Variants in ATP10A observed in about 807,000 individuals in gnomAD.
The protein encoded by ATP10A is ATPase phospholipid transporting 10A (putative).
In ATP10A, 111 loss-of-function variants were observed where a neutral mutation model predicts 147.8. The observed-to-expected ratio is 0.75, with a 90% CI of 0.64 to 0.88. ATP10A has a LOEUF of 0.88. Among genes scored for constraint, ATP10A ranks in the 40% least tolerant of loss-of-function variants. The probability of loss-of-function intolerance (pLI) is 0.00; values close to 1 mark genes in which losing one functional copy is unlikely to be tolerated. For missense variants in ATP10A, 1,927 were observed against 1,959.0 expected (o/e 0.98, Z 0.31); for synonymous variants, 875 against 841.6 (o/e 1.04, Z -0.69).
intron 13 of ATP10A, among the ~76,000 whole-genome samples, chr15:25,696,337 GA>G (rs1406106767): frequency 1.3e-5 from 2 of 152,238 alleles, no homozygotes; most frequent in Non-Finnish European, 2.9e-5. Context: ...CAGGATGTGC[GA>G]AAGTGTGGAG....
At chr15:25,775,673 C>T (rs532197429) in intron 2 of ATP10A, among the ~76,000 whole-genome samples, 79 of 152,374 alleles carry the variant, frequency 5.2e-4, no homozygotes, top group South Asian at 2.1e-3. Context: ...CTCCCCACAG[C>T]GCTGCACAGA....
intron 1 of ATP10A, among the ~76,000 whole-genome samples, chr15:25,810,340 A>C (rs941563413): frequency 2.0e-5 from 3 of 152,210 alleles, no homozygotes; most frequent in Admixed American, 1.3e-4. Context: ...TGAGTCACCT[A>C]CCGGGACCAA....
At position 25,842,843 on chromosome 15, in the gene ATP10A, C is replaced by T. The variant is rs148659275; in HGVS notation, c.449+19805G>A. 7.8e-3 allele frequency among the ~76,000 whole-genome samples: 1,181 copies of T among 152,076 alleles called. 13 individuals carry two copies. Among genetic ancestry groups the T allele is most frequent in the African/African-American group, 0.026 (1,059 of 41,464 alleles). ...GTCCTCCCACCTCAGCCTCCCAAGT[C>T]GCTGGGACTACAGATGCACATCACC... On this transcript the variant is annotated intron_variant, in intron 1 of 20. Transcript: ENST00000555815.
intron 2 of ATP10A, among the ~76,000 whole-genome samples, chr15:25,743,090 A>C (rs1324538321): frequency 6.6e-6 from 1 of 152,190 alleles, no homozygotes; most frequent in Admixed American, 6.5e-5. Flanking sequence ...CTGGAGCCTC[A>C]GTGTATTTGT....
At chr15:25,726,926 G>A (rs1292803549) in intron 4 of ATP10A, among the ~76,000 whole-genome samples, 4 of 150,862 alleles carry the variant, frequency 2.7e-5, no homozygotes, top group Non-Finnish European at 5.9e-5. Flanking sequence ...CGGGCGTGGC[G>A]GGCGCCTGTA....
intron 1 of ATP10A, among the ~76,000 whole-genome samples, chr15:25,850,277 C>T (rs926952097): frequency 8.5e-5 from 13 of 152,180 alleles, no homozygotes; most frequent in Admixed American, 2.6e-4. Context: ...CCAGCTCGCT[C>T]TCTCCCTGCC....
At chr15:25,790,415 C>G (rs189259063) in intron 1 of ATP10A, among the ~76,000 whole-genome samples, 1 of 152,280 alleles carries the variant, frequency 6.6e-6, no homozygotes, top group Admixed American at 6.5e-5. Context: ...ATGAGTCAAG[C>G]TGAATGGAAA....
rs1464143317 is a variant in ATP10A at position 25,707,877 on chromosome 15, C to A, written c.2575+99G>T. 9 of 1,511,946 alleles carry A rather than the reference C, an allele frequency of 6.0e-6. No homozygotes were observed. The African/African-American group carries it at 9.6e-5, about 16-fold the overall frequency. 93.7% of individuals were successfully genotyped at this position (1,511,946 alleles called of 1,614,324 possible). Reference sequence around the variant, plus strand: ...TGCCAGGTGGCTCCCTAACCAAGGCCAGCCTGCGGAGCAGCCGCTGACAAG... The same window carrying A: ...TGCCAGGTGGCTCCCTAACCAAGGCAAGCCTGCGGAGCAGCCGCTGACAAG... On this transcript the variant is annotated intron_variant, in intron 12 of 20. Coordinates refer to ENST00000555815, the MANE Select transcript of ATP10A (RefSeq NM_024490.4).
In ATP10A at chr15:25,752,241, T is replaced by C. The variant is rs547026995; in HGVS notation, c.655-16100A>G. On this transcript the variant is annotated intron_variant, in intron 2 of 20. Transcript: ENST00000555815. ...TTCATTGAAGCATTATTTACAATAATGGAATCAACCCAAGTGTCCATCAAC... is the reference window on the plus strand; with the variant it reads ...TTCATTGAAGCATTATTTACAATAACGGAATCAACCCAAGTGTCCATCAAC... Among the ~76,000 whole-genome samples, 4 of 152,130 alleles carry C rather than the reference T, an allele frequency of 2.6e-5. No homozygotes were observed. In the East Asian group the frequency reaches 7.7e-4, roughly 29 times the overall value.
chr15:25,725,099 C>T (rs1002022359), intron 5 of ATP10A, among the ~76,000 whole-genome samples: 2 of 152,114 alleles, frequency 1.3e-5, no homozygotes, highest in African/African-American at 4.8e-5. Context: ...ACCTGAGCCC[C>T]GTCTCCCGTC....
chr15:25,812,688 C>T (rs991076492), intron 1 of ATP10A, among the ~76,000 whole-genome samples: 1 of 152,090 alleles, frequency 6.6e-6, no homozygotes, highest in Non-Finnish European at 1.5e-5. Context: ...TTTCTCTGAA[C>T]GCAGGGGAAT....
At position 25,679,228 on chromosome 15, in the gene ATP10A, T is replaced by C. The variant is rs1899223629; in HGVS notation, c.*113A>G. 6.8e-6 allele frequency: 6 copies of C among 881,884 alleles called. No individual in the cohort carries two copies. Among genetic ancestry groups the C allele is most frequent in the Non-Finnish European group, 7.4e-6 (5 of 673,712 alleles). The allele number at this position is 881,884 out of a possible 1,614,324, so 54.6% of individuals were successfully genotyped here. On this transcript the variant is annotated 3_prime_UTR_variant, in exon 21 of 21. Transcript: ENST00000555815. ...TTTTGGTACCTCTTGTTTCCTGTAT[T>C]AGCCTGGGAAACATTTAGAAATACA...
At chr15:25,777,096 C>CATGTGTGTGTGTGTGT (rs1555468162) in intron 2 of ATP10A, among the ~76,000 whole-genome samples, 2 of 149,698 alleles carry the variant, frequency 1.3e-5, no homozygotes, top group East Asian at 2.0e-4. Context: ...TGCATACGTG[C>CATGTGTGTGTGTGTGT]GTGTGTGTGT....
intron 2 of ATP10A, among the ~76,000 whole-genome samples, chr15:25,771,093 C>T (rs1204341365): frequency 6.6e-6 from 1 of 152,134 alleles, no homozygotes. Context: ...ACCAGACTCT[C>T]TCCCCTCTGT....
At chr15:25,692,717 G>A (rs1324305966) in intron 14 of ATP10A, among the ~76,000 whole-genome samples, 1 of 152,160 alleles carries the variant, frequency 6.6e-6, no homozygotes, top group Non-Finnish European at 1.5e-5. Context: ...CATGAGATAT[G>A]GTATGCAACG....
At chr15:25,724,191 C>T (rs988605436) in intron 5 of ATP10A, among the ~76,000 whole-genome samples, 170 bp from the exon 6 acceptor site, 5 of 152,202 alleles carry the variant, frequency 3.3e-5, no homozygotes, top group Non-Finnish European at 1.5e-5. Context: ...TCAGCACCTT[C>T]GATCCAACTT....
At chr15:25,707,831 G>T in intron 12 of ATP10A, 145 bp downstream of exon 12, 24 of 1,180,894 alleles carry the variant, frequency 2.0e-5, no homozygotes, top group Non-Finnish European at 2.7e-5. Context: ...GCACCCTCCC[G>T]CCTCGGCTGT....
intron 1 of ATP10A, chr15:25,862,392 C>A (rs1055308134): frequency 1.5e-6 from 1 of 654,580 alleles, no homozygotes; most frequent in Non-Finnish European, 2.8e-6. Flanking sequence ...TCATTCTGGC[C>A]CCGACACGGA....
chr15:25,696,192 A>G (rs1161408609), intron 13 of ATP10A, among the ~76,000 whole-genome samples: 1 of 152,216 alleles, frequency 6.6e-6, no homozygotes, highest in Non-Finnish European at 1.5e-5. Flanking sequence ...TGTTCAACAC[A>G]CGCTTACTGA....
Sources: allele counts gnomAD v4.1 joint callset (sites outside exome capture counted in the v4.1 genomes callset), GRCh38; gene constraint gnomAD v4.1.1; transcripts MANE v1.5; gene names NCBI Gene and HGNC (gene_info 2026-07-23, HGNC 2026-07-21).